SNTG2: variants seen among roughly 807,000 people sequenced by gnomAD.
SNTG2 encodes syntrophin gamma 2.
A neutral mutation model predicts 70.9 loss-of-function variants in SNTG2; 74 were observed. That is an observed-to-expected ratio of 1.04 (90% CI 0.86 to 1.27). The LOEUF (loss-of-function observed/expected upper bound fraction) is 1.27. Ranked by LOEUF, SNTG2 falls within the 50% of genes most tolerant of loss-of-function variation. SNTG2 has a pLI of 0.00. For missense variants in SNTG2, 717 were observed against 690.7 expected (o/e 1.04, Z -0.43); for synonymous variants, 278 against 273.8 (o/e 1.02, Z -0.15).
At position 1,014,478 on chromosome 2, in the gene SNTG2, A is replaced by G. The variant is rs56377108; in HGVS notation, c.72+63410A>G. ...GTGGTCTGTAGAGGGATTTATAAGGACAGAGAGAAGGGTGGTCTGGAGAGG... is the reference window on the plus strand; with the variant it reads ...GTGGTCTGTAGAGGGATTTATAAGGGCAGAGAGAAGGGTGGTCTGGAGAGG... On this transcript the variant is annotated intron_variant, in intron 1 of 16. Coordinates refer to ENST00000308624, the MANE Select transcript of SNTG2 (RefSeq NM_018968.4). Among the ~76,000 whole-genome samples, 262 of 44,554 alleles carry G rather than the reference A, an allele frequency of 5.9e-3. 1 individual carries two copies. Among genetic ancestry groups the G allele is most frequent in the Middle Eastern group, 0.033 (1 of 30 alleles). The allele number at this position is 44,554 out of a possible 152,430, so 29.2% of individuals were successfully genotyped here.
At chr2:1,173,916 C>T (rs1251534358) in intron 8 of SNTG2, among the ~76,000 whole-genome samples, 1 of 152,244 alleles carries the variant, frequency 6.6e-6, no homozygotes, top group Middle Eastern at 3.2e-3. Context: ...ATCCTGTAAG[C>T]AGTTTGAAAA....
At chr2:999,696 A>G (rs914070893) in intron 1 of SNTG2, among the ~76,000 whole-genome samples, 8 of 152,062 alleles carry the variant, frequency 5.3e-5, no homozygotes, top group East Asian at 1.9e-4. Context: ...GGGGACTTCA[A>G]TACCCTACTG....
chr2:1,125,014 C>T (rs1276422294), intron 4 of SNTG2, among the ~76,000 whole-genome samples: 1 of 152,156 alleles, frequency 6.6e-6, no homozygotes, highest in Non-Finnish European at 1.5e-5. Context: ...ATTTGCTTCA[C>T]TATAGTAACC....
intron 4 of SNTG2, among the ~76,000 whole-genome samples, chr2:1,122,830 A>G (rs1421999373): frequency 1.3e-5 from 2 of 152,200 alleles, no homozygotes; most frequent in East Asian, 3.8e-4. Flanking sequence ...TTCCACAGAA[A>G]AACTGTTAGA....
chr2:1,336,479 G>T (rs978078907), intron 16 of SNTG2, among the ~76,000 whole-genome samples: 5 of 151,958 alleles, frequency 3.3e-5, no homozygotes, highest in African/African-American at 1.2e-4. Context: ...ACTTTAATTT[G>T]TCTGTTTGCT....
chr2:1,335,573 T>A (rs1384432852), intron 16 of SNTG2, among the ~76,000 whole-genome samples: 2 of 152,196 alleles, frequency 1.3e-5, no homozygotes, highest in Non-Finnish European at 2.9e-5. Flanking sequence ...CTAATTACTT[T>A]ATTTTCGACC....
chr2:1,129,953 C>T (rs1667919222), intron 4 of SNTG2, among the ~76,000 whole-genome samples: 1 of 152,148 alleles, frequency 6.6e-6, no homozygotes, highest in African/African-American at 2.4e-5. Flanking sequence ...AAAATTCTTG[C>T]AGGCCATACA....
At chr2:1,243,883 G>T (rs758940542) in intron 11 of SNTG2, among the ~76,000 whole-genome samples, 1 of 152,140 alleles carries the variant, frequency 6.6e-6, no homozygotes, top group African/African-American at 2.4e-5. Flanking sequence ...AAAATTAGCC[G>T]GGCGTGGTGG....
At chr2:1,134,665 C>T (rs187918980) in intron 4 of SNTG2, among the ~76,000 whole-genome samples, 71 of 152,338 alleles carry the variant, frequency 4.7e-4, no homozygotes, top group African/African-American at 1.5e-3. Context: ...TGGCTTCACC[C>T]AGTGGATCCC....
At chr2:1,230,218 A>C (rs2097094392) in intron 9 of SNTG2, among the ~76,000 whole-genome samples, 1 of 152,226 alleles carries the variant, frequency 6.6e-6, no homozygotes, top group Non-Finnish European at 1.5e-5. Flanking sequence ...TGGAAAAAGG[A>C]AACAAAGATC....
At chr2:1,124,523 C>G (rs6715031) in intron 4 of SNTG2, among the ~76,000 whole-genome samples, 2,517 of 152,136 alleles carry the variant, frequency 0.017, 66 homozygotes, top group African/African-American at 0.058. Flanking sequence ...GTCTCGATCT[C>G]TTGACCTCAT....
intron 14 of SNTG2, among the ~76,000 whole-genome samples, chr2:1,285,333 A>G (rs1269169383): frequency 2.0e-5 from 3 of 152,082 alleles, no homozygotes; most frequent in Admixed American, 1.3e-4. Flanking sequence ...CTTCAATCCA[A>G]TCAAGTTGAC....
At chr2:1,192,702 A>T (rs912311184) in intron 8 of SNTG2, among the ~76,000 whole-genome samples, 77 of 152,126 alleles carry the variant, frequency 5.1e-4, no homozygotes, top group African/African-American at 1.6e-3. Flanking sequence ...AAGGGAAAAC[A>T]TACTAAGGTG....
At chr2:1,135,651 G>A (rs189549389) in intron 4 of SNTG2, among the ~76,000 whole-genome samples, 54 of 152,312 alleles carry the variant, frequency 3.5e-4, no homozygotes, top group African/African-American at 1.3e-3. Flanking sequence ...GAACCCAGGA[G>A]GCAGAGGTTG....
chr2:1,239,817 G>T, intron 11 of SNTG2, 41 bp downstream of exon 11: 1 of 1,601,436 alleles, frequency 6.2e-7, no homozygotes. Flanking sequence ...AACACATCAG[G>T]TAGGGTTTGT....
chr2:1,008,618 T>C (rs1659638990), intron 1 of SNTG2, among the ~76,000 whole-genome samples: 1 of 152,214 alleles, frequency 6.6e-6, no homozygotes, highest in Admixed American at 6.5e-5. Context: ...TGTATTAACA[T>C]TACAGAAACC....
chr2:1,135,120 T>C (rs1364474074), intron 4 of SNTG2, among the ~76,000 whole-genome samples: 3 of 152,302 alleles, frequency 2.0e-5, no homozygotes, highest in East Asian at 3.9e-4. Flanking sequence ...GGAGGCGGCT[T>C]CTGACCAACT....
rs1665477638 is a variant in SNTG2, at chr2:1,097,570, T to C, written c.211-626T>C. Among the ~76,000 whole-genome samples, 1 of 152,126 alleles carries C rather than the reference T, an allele frequency of 6.6e-6. No individual in the cohort carries two copies. The highest frequency in any genetic ancestry group is 6.6e-5 in the Admixed American group (1 of 15,264). On this transcript the variant is annotated intron_variant, in intron 2 of 16. Coordinates refer to ENST00000308624, the MANE Select transcript of SNTG2 (RefSeq NM_018968.4). This position sits in a 1 kb window ranked among gnomAD's most constrained non-coding sequence, Gnocchi z 4.1. ...CATCAGATTAGACCACAGCAAAACA[T>C]AGGTGCATGGCTTAATGCGCAAGAG...
At chr2:1,260,320 A>G (rs1393580531) in intron 13 of SNTG2, among the ~76,000 whole-genome samples, 6 of 152,230 alleles carry the variant, frequency 3.9e-5, no homozygotes, top group African/African-American at 2.4e-5. Flanking sequence ...TTTAATGGAA[A>G]CATGTACAAG....
Sources: gnomAD v4.1 joint callset for allele counts (sites outside exome capture counted in the v4.1 genomes callset) on GRCh38, gnomAD v4.1.1 for gene constraint, Gnocchi (gnomAD v3.1) non-coding constraint, MANE v1.5 for transcripts, NCBI Gene and HGNC (gene_info 2026-07-23, HGNC 2026-07-21) for gene names.